Variants in KIFAP3 observed in about 807,000 individuals in gnomAD.
KIFAP3 encodes kinesin associated protein 3.
In KIFAP3, 68 loss-of-function variants were observed where a neutral mutation model predicts 106.5. The observed-to-expected ratio is 0.64, with a 90% CI of 0.53 to 0.78. KIFAP3 has a LOEUF of 0.78. Ranked by LOEUF, KIFAP3 falls within the 30% of genes least tolerant of loss-of-function variation. KIFAP3 has a pLI of 0.00. For missense variants in KIFAP3, 780 were observed against 941.8 expected (o/e 0.83, Z 2.25); for synonymous variants, 320 against 311.5 (o/e 1.03, Z -0.29).
intron 5 of KIFAP3, 118 bp from the exon 6 acceptor site, chr1:170,035,671 A>C (rs1669654505): frequency 1.8e-6 from 1 of 566,856 alleles, no homozygotes; most frequent in East Asian, 3.2e-5. Context: ...CTGGGACAAA[A>C]AGTAGGATGC....
chr1:169,989,610 G>A (rs1667001846), intron 11 of KIFAP3, among the ~76,000 whole-genome samples: 1 of 151,992 alleles, frequency 6.6e-6, no homozygotes, highest in African/African-American at 2.4e-5. Context: ...ATTACACTTT[G>A]CATTGAGTAT....
At position 170,024,507 on chromosome 1, in the gene KIFAP3, C is replaced by T; in HGVS notation, c.931G>A (p.Ala311Thr). 2.5e-6 allele frequency: 4 copies of T among 1,608,066 alleles called. No individual in the cohort carries two copies. Among genetic ancestry groups the T allele is most frequent in the Non-Finnish European group, 3.4e-6 (4 of 1,176,526 alleles). ...AGCTCAAAATTGTCCCGATCAAGGG[C>T]TTTCACCAACATGTGAACTATGTTC... is the stretch of plus-strand genomic sequence containing the variant. ...NKNIVHMLVK[A>T]LDRDNFELLI... The change falls in exon 9 of 20, where the codon GCC becomes ACC. Residue 311 changes from alanine to threonine, a missense_variant. Ala to Thr is a moderately conservative substitution (Grantham distance 58). Around this residue, in one of 3 missense-constraint regions of KIFAP3, gnomAD observed 588 missense variants for 678.9 expected, o/e 0.87. Transcript: ENST00000361580.
intron 1 of KIFAP3, among the ~76,000 whole-genome samples, chr1:170,066,104 C>T (rs1671429627): frequency 1.3e-5 from 2 of 150,778 alleles, no homozygotes; most frequent in African/African-American, 2.5e-5. Context: ...GTTTTAGTTA[C>T]CTTTTTTTTT....
chr1:170,051,146 T>C lies in KIFAP3; in HGVS notation c.164+4159A>G, dbSNP rs576999311. On this transcript the variant is annotated intron_variant, in intron 2 of 19. Coordinates refer to ENST00000361580, the MANE Select transcript of KIFAP3 (RefSeq NM_014970.4). ...CAAAATAAAGGAATGGAGGAATATT[T>C]ACCAAGCAAATGGAAAAAAAAAAAA... Among the ~76,000 whole-genome samples the C allele has an allele frequency of 3.3e-5, 5 of 149,884 alleles. No individual in the cohort carries two copies. In the South Asian group the frequency reaches 8.4e-4, roughly 25 times the overall value.
Position 170,035,456 on chromosome 1 carries a change from G to A in KIFAP3, c.615C>T (p.Ser205=). 1 of 1,589,974 alleles carries A rather than the reference G, an allele frequency of 6.3e-7. No individual in the cohort carries two copies. The highest frequency in any genetic ancestry group is 2.3e-5 in the East Asian group (1 of 43,946). ...TNIIYIFFCF[S]SFSQFHGLIT... ...TATTTAATAATTTTTATACTTACCT[G>A]GAGAAACAAAAAAAGATGTAAATTA... is the stretch of plus-strand genomic sequence containing the variant. The change falls in exon 6 of 20, where the codon TCC becomes TCT. Residue 205 remains serine, a splice_region_variant and synonymous_variant. Coordinates refer to ENST00000361580, the MANE Select transcript of KIFAP3 (RefSeq NM_014970.4).
intron 18 of KIFAP3, among the ~76,000 whole-genome samples, chr1:169,959,827 A>T (rs1285331200): frequency 6.6e-6 from 1 of 152,118 alleles, no homozygotes; most frequent in Non-Finnish European, 1.5e-5. Context: ...TGAATACTGA[A>T]TATGTAAGGA....
chr1:169,991,315 T>G (rs1468398261), intron 11 of KIFAP3, among the ~76,000 whole-genome samples: 1 of 150,342 alleles, frequency 6.7e-6, no homozygotes, highest in African/African-American at 2.5e-5. Flanking sequence ...CACTGAACTT[T>G]AGCCTGGGCA....
chr1:170,020,876 A>G (rs79863685), intron 9 of KIFAP3, among the ~76,000 whole-genome samples: 1 of 152,150 alleles, frequency 6.6e-6, no homozygotes, highest in Admixed American at 6.5e-5. Flanking sequence ...CGACAATGAC[A>G]AAAACCTCTA....
At chr1:170,077,590 A>T (rs567534311), upstream of KIFAP3, among the ~76,000 whole-genome samples, 27 of 152,342 alleles carry the variant, frequency 1.8e-4, no homozygotes, top group African/African-American at 6.5e-4. Flanking sequence ...AAACAATAAC[A>T]TGCATTCTTC....
upstream of KIFAP3, among the ~76,000 whole-genome samples, chr1:170,079,725 C>A (rs116897549): frequency 9.3e-3 from 1,407 of 151,540 alleles, 46 homozygotes; most frequent in East Asian, 0.11. Flanking sequence ...TTCTTTTTCT[C>A]AAGATCATTT....
chr1:170,054,131 C>G (rs546579141), intron 2 of KIFAP3, among the ~76,000 whole-genome samples: 9 of 152,136 alleles, frequency 5.9e-5, no homozygotes, highest in African/African-American at 2.2e-4. Context: ...CCACAAGGAA[C>G]TTAAACAAAT....
At chr1:169,930,547 T>C (rs1663406200) in intron 19 of KIFAP3, among the ~76,000 whole-genome samples, 1 of 152,240 alleles carries the variant, frequency 6.6e-6, no homozygotes, top group Admixed American at 6.5e-5. Context: ...GACTTCTCTT[T>C]CACATGGGTG....
At position 169,990,004 on chromosome 1, in the gene KIFAP3, T is replaced by C. The variant is rs865894180; in HGVS notation, c.1284+2151A>G. 428 of 1,534,094 alleles carry C rather than the reference T, an allele frequency of 2.8e-4. 1 individual carries two copies. In the Middle Eastern group the frequency reaches 7.2e-3, roughly 26 times the overall value. ...GAATTACCTTCATAAGTACGATTTG[T>C]TCATATTCTTCTAACAAAATTATGG... On this transcript the variant is annotated intron_variant, in intron 11 of 19. Coordinates refer to ENST00000361580, the MANE Select transcript of KIFAP3 (RefSeq NM_014970.4).
At chr1:169,928,382 GC>G (rs2101774104) in intron 19 of KIFAP3, among the ~76,000 whole-genome samples, 1 of 152,218 alleles carries the variant, frequency 6.6e-6, no homozygotes, top group East Asian at 1.9e-4. Flanking sequence ...ACAGGCGTGA[GC>G]CACTGTGCCC....
intron 10 of KIFAP3, among the ~76,000 whole-genome samples, chr1:169,997,823 T>A (rs373148211): frequency 1.6e-4 from 21 of 129,640 alleles, no homozygotes; most frequent in African/African-American, 6.3e-4. Flanking sequence ...TGAGCCGAGA[T>A]CGTACCACTC....
At chr1:169,952,479 A>T (rs1286486449) in intron 19 of KIFAP3, among the ~76,000 whole-genome samples, 2 of 152,114 alleles carry the variant, frequency 1.3e-5, no homozygotes, top group Non-Finnish European at 2.9e-5. Flanking sequence ...GTATAGGTAG[A>T]TACATGTATA....
intron 10 of KIFAP3, among the ~76,000 whole-genome samples, chr1:170,000,042 G>A (rs1330210526): frequency 2.0e-5 from 3 of 152,022 alleles, no homozygotes; most frequent in Admixed American, 1.3e-4. Context: ...ATTTTAAAAT[G>A]TCTTCAGTTT....
chr1:170,006,907 TAA>T (rs1206404245), intron 10 of KIFAP3, among the ~76,000 whole-genome samples: 2 of 152,128 alleles, frequency 1.3e-5, no homozygotes, highest in Non-Finnish European at 2.9e-5. Context: ...AGCAAAGTAG[TAA>T]GCATAGATAA....
chr1:170,025,457 T>C (rs931052226), intron 8 of KIFAP3, among the ~76,000 whole-genome samples: 1 of 152,002 alleles, frequency 6.6e-6, no homozygotes, highest in Non-Finnish European at 1.5e-5. Context: ...TCAACACTTA[T>C]GAAAAGAAGA....
Sources: allele counts gnomAD v4.1 joint callset (sites outside exome capture counted in the v4.1 genomes callset), GRCh38; gene constraint gnomAD v4.1.1; regional missense constraint gnomAD v4.1.1; transcripts MANE v1.5; gene names NCBI Gene and HGNC (gene_info 2026-07-23, HGNC 2026-07-21).